BCAM: variants seen among roughly 807,000 people sequenced by gnomAD.
BCAM encodes basal cell adhesion molecule (Lutheran blood group).
BCAM carries 61 observed loss-of-function variants against 72.4 expected under a neutral mutation model. That is an observed-to-expected ratio of 0.84 (90% CI 0.69 to 1.04). The LOEUF (loss-of-function observed/expected upper bound fraction) is 1.04, where lower values mean the gene tolerates loss of function less well. Among genes scored for constraint, BCAM ranks in the 50% least tolerant of loss-of-function variants. The pLI, the probability that BCAM is intolerant of heterozygous loss-of-function variation, is 0.00. For synonymous variants in BCAM, 408 were observed against 384.2 expected (o/e 1.06, Z -0.73); for missense variants, 909 against 895.0 (o/e 1.02, Z -0.20).
At chr19:44,815,958 G>T (rs1386052902) in intron 8 of BCAM, among the ~76,000 whole-genome samples, 1 of 152,096 alleles carries the variant, frequency 6.6e-6, no homozygotes, top group Non-Finnish European at 1.5e-5. Context: ...ACTGCAGTGA[G>T]CCAAGATTGT....
Position 44,818,394 on chromosome 19 carries a change from C to T in BCAM, c.1079-128C>T. ...GAGATTTCATGGAGATGGGGTAAAC[C>T]AGGAGGATTACTTGCTGTTCTCTGC... is the stretch of plus-strand genomic sequence containing the variant. On this transcript the variant is annotated intron_variant, in intron 8 of 14. Coordinates refer to ENST00000270233, the MANE Select transcript of BCAM (RefSeq NM_005581.5). The surrounding 1 kb of genome is among the most constrained non-coding windows in gnomAD (Gnocchi z 4.6). 1 of 691,420 alleles carries T rather than the reference C, an allele frequency of 1.4e-6. No individual in the cohort carries two copies. Among genetic ancestry groups the T allele is most frequent in the Non-Finnish European group, 2.5e-6 (1 of 402,242 alleles). 42.8% of individuals were successfully genotyped at this position (691,420 alleles called of 1,614,324 possible).
rs1968527900 is a variant in BCAM at position 44,818,297 on chromosome 19, A to C, written c.1079-225A>C. 6.6e-6 allele frequency among the ~76,000 whole-genome samples: 1 copy of C among 152,202 alleles called. No individual in the cohort carries two copies. Among genetic ancestry groups the C allele is most frequent in the African/African-American group, 2.4e-5 (1 of 41,456 alleles). On this transcript the variant is annotated intron_variant, in intron 8 of 14. Coordinates refer to ENST00000270233, the MANE Select transcript of BCAM (RefSeq NM_005581.5). The surrounding 1 kb of genome is among the most constrained non-coding windows in gnomAD (Gnocchi z 4.6). ...TCAGATGTCAGCTCTGAAGAAAAGT[A>C]ATTGACTTGGGCATGTCAATGTTGG...
chr19:44,819,829 C>G (rs1968559601), intron 13 of BCAM, 103 bp downstream of exon 13: 3 of 1,434,216 alleles, frequency 2.1e-6, no homozygotes, highest in African/African-American at 2.9e-5. Flanking sequence ...TCCTCCACCC[C>G]ACATCCCACC....
At chr19:44,816,290 A>G (rs1968503063) in intron 8 of BCAM, among the ~76,000 whole-genome samples, 1 of 152,202 alleles carries the variant, frequency 6.6e-6, no homozygotes, top group Non-Finnish European at 1.5e-5. Flanking sequence ...AGCCTGGGCA[A>G]CAGAGTGAGA....
chr19:44,810,781 G>A (rs1046468993), intron 1 of BCAM, among the ~76,000 whole-genome samples: 8 of 152,204 alleles, frequency 5.3e-5, no homozygotes, highest in Non-Finnish European at 1.0e-4. Flanking sequence ...AGTGTTCAGC[G>A]GAGGCCACAG....
chr19:44,812,031 A>G lies in BCAM; in HGVS notation c.205-132A>G. 1.2e-6 allele frequency: 1 copy of G among 848,156 alleles called. No individual in the cohort carries two copies. The highest frequency in any genetic ancestry group is 2.7e-5 in the Admixed American group (1 of 36,382). The allele number at this position is 848,156 out of a possible 1,614,324, so 52.5% of individuals were successfully genotyped here. ...GGGGCAGGAGAAGGTGGGGAGGGAC[A>G]GAGGGACCAGGGAGACCCATAACAA... On this transcript the variant is annotated intron_variant, in intron 2 of 14. Coordinates refer to ENST00000270233, the MANE Select transcript of BCAM (RefSeq NM_005581.5). The surrounding 1 kb of genome is among the most constrained non-coding windows in gnomAD (Gnocchi z 5.3).
chr19:44,814,629 T>C lies in BCAM; in HGVS notation c.947T>C (p.Val316Ala). Residue 316 changes from valine (V) to alanine (A), a missense_variant, in exon 8 of 15, where the codon GTG (valine) becomes GCG (alanine). Physicochemically the swap from Val to Ala is moderately conservative, Grantham distance 64 (BLOSUM62 0). Coordinates refer to ENST00000270233, the MANE Select transcript of BCAM (RefSeq NM_005581.5). This position sits in a 1 kb window ranked among gnomAD's most constrained non-coding sequence, Gnocchi z 4.6. ...LQDEQEEVLN[V>A]NLEGNLTLEG... ...GATGAGCAGGAGGAAGTGCTGAATG[T>C]GAATCTCGAGGGGAACTTGACCCTG... The C allele has an allele frequency of 6.2e-7, 1 of 1,613,806 alleles. No homozygotes were observed. The highest frequency in any genetic ancestry group is 8.5e-7 in the Non-Finnish European group (1 of 1,179,836).
chr19:44,817,397 G>T (rs530620888), intron 8 of BCAM, among the ~76,000 whole-genome samples: 3 of 152,124 alleles, frequency 2.0e-5, no homozygotes, highest in Non-Finnish European at 4.4e-5. Flanking sequence ...GGGGAAGAGT[G>T]GGAGATGGTT....
At chr19:44,810,458 T>C (rs2927477) in intron 1 of BCAM, among the ~76,000 whole-genome samples, 30,255 of 148,356 alleles carry the variant, frequency 0.2, 3,853 homozygotes, top group African/African-American at 0.36. Context: ...CCCCCACACA[T>C]CCATCCCGCC....
intron 8 of BCAM, among the ~76,000 whole-genome samples, chr19:44,817,554 T>G (rs567153629): frequency 5.9e-4 from 89 of 151,540 alleles, no homozygotes; most frequent in African/African-American, 1.9e-3. Context: ...TTTTTGTTTT[T>G]TTTTTTTTGA....
At position 44,814,261 on chromosome 19, in the gene BCAM, C is replaced by T. The variant is rs1267034308; in HGVS notation, c.894C>T (p.Ser298=). The T allele has an allele frequency of 6.3e-7, 1 of 1,596,060 alleles. No individual in the cohort carries two copies. ...TCTGCCGGGGGGACGGCAGCCCCAG[C>T]CCGGAGTATACGCTTTTCCGCCTTC... ...QLLCRGDGSP[S]PEYTLFRLQD... is the part of the protein sequence containing the mutation. The change falls in exon 7 of 15, where the codon AGC becomes AGT. Residue 298 remains serine, a synonymous_variant. Coordinates refer to ENST00000270233, the MANE Select transcript of BCAM (RefSeq NM_005581.5). This position sits in a 1 kb window ranked among gnomAD's most constrained non-coding sequence, Gnocchi z 4.6.
At position 44,818,378 on chromosome 19, in the gene BCAM, TG is replaced by T; in HGVS notation, c.1079-142del. 1.5e-6 allele frequency: 1 copy of T among 645,190 alleles called. No individual in the cohort carries two copies. Among genetic ancestry groups the T allele is most frequent in the South Asian group, 2.0e-5 (1 of 50,062 alleles). 40.0% of individuals were successfully genotyped at this position (645,190 alleles called of 1,614,324 possible). On this transcript the variant is annotated intron_variant, in intron 8 of 14. Coordinates refer to ENST00000270233, the MANE Select transcript of BCAM (RefSeq NM_005581.5). This position sits in a 1 kb window ranked among gnomAD's most constrained non-coding sequence, Gnocchi z 4.6. ...CCTGGATGGGAGAATGGAGATTTCATGGAGATGGGGTAAACCAGGAGGATTA... is the reference window on the plus strand; with the variant it reads ...CCTGGATGGGAGAATGGAGATTTCATGAGATGGGGTAAACCAGGAGGATTA...
chr19:44,815,037 C>G (rs1968486424), intron 8 of BCAM, among the ~76,000 whole-genome samples: 1 of 151,596 alleles, frequency 6.6e-6, no homozygotes, highest in African/African-American at 2.4e-5. Context: ...GCCACCGCAT[C>G]TTGTCGAGAG....
Position 44,814,232 on chromosome 19 carries a change from C to T in BCAM, c.865C>T (p.Leu289=). 6.3e-7 allele frequency: 1 copy of T among 1,589,348 alleles called. No homozygotes were observed. Among genetic ancestry groups the T allele is most frequent in the Non-Finnish European group, 8.5e-7 (1 of 1,173,748 alleles). ...GGTACGCGAGGGTGACACTGTCCAG[C>T]TGCTCTGCCGGGGGGACGGCAGCCC... The part of the protein sequence containing the change: ...GWVREGDTVQ[L]LCRGDGSPSP... The change falls in exon 7 of 15, where the codon CTG becomes TTG. Residue 289 remains leucine (L), a synonymous_variant. Coordinates refer to ENST00000270233, the MANE Select transcript of BCAM (RefSeq NM_005581.5). The surrounding 1 kb of genome is among the most constrained non-coding windows in gnomAD (Gnocchi z 4.6).
Position 44,819,819 on chromosome 19 carries a change from T to C in BCAM, c.1763+93T>C, listed in dbSNP as rs929462079. On this transcript the variant is annotated intron_variant, in intron 13 of 14. Coordinates refer to ENST00000270233, the MANE Select transcript of BCAM (RefSeq NM_005581.5). ...AACCCATAACCTCAACCACATCTTATCCTCCACCCCACATCCCACCACATC... is the reference window on the plus strand; with the variant it reads ...AACCCATAACCTCAACCACATCTTACCCTCCACCCCACATCCCACCACATC... 4.9e-6 allele frequency: 7 copies of C among 1,442,992 alleles called. No homozygotes were observed. In the Admixed American group the frequency reaches 1.4e-4, roughly 28 times the overall value. The allele number at this position is 1,442,992 out of a possible 1,614,324, so 89.4% of individuals were successfully genotyped here.
intron 2 of BCAM, chr19:44,811,861 G>A: frequency 2.2e-6 from 1 of 461,244 alleles, no homozygotes. Context: ...CTCCAGCCAG[G>A]CGACAGAGCA....
In BCAM at chr19:44,813,328, C is replaced by T. The variant is rs1490254812; in HGVS notation, c.583C>T (p.Pro195Ser). ...TCGCAACGGGCAGCGCCTGGAGGTG[C>T]CCGTAGAGATGAACCCAGGTGAGCA... ...WYRNGQRLEV[P>S]VEMNPEGYMT... is the part of the protein sequence containing the mutation. Residue 195 changes from proline (P) to serine (S), a missense_variant, in exon 5 of 15, where the codon CCC (proline) becomes TCC (serine). By Grantham distance (74) the Pro-to-Ser change is moderately conservative. Transcript: ENST00000270233. This position sits in a 1 kb window ranked among gnomAD's most constrained non-coding sequence, Gnocchi z 4.2. The T allele has an allele frequency of 6.2e-7, 1 of 1,613,964 alleles. No individual in the cohort carries two copies. Among genetic ancestry groups the T allele is most frequent in the South Asian group, 1.1e-5 (1 of 91,084 alleles).
At position 44,813,822 on chromosome 19, in the gene BCAM, A is replaced by G. The variant is rs1454221615; in HGVS notation, c.784+202A>G. Among the ~76,000 whole-genome samples the G allele has an allele frequency of 6.6e-6, 1 of 151,904 alleles. No individual in the cohort carries two copies. The highest frequency in any genetic ancestry group is 6.6e-5 in the Admixed American group (1 of 15,242). Reference sequence around the variant, plus strand: ...TCCTGACCTCTGACCTCCGACCTCCACTTAGCACCCTGGACCCCATGAAGT... The same window carrying G: ...TCCTGACCTCTGACCTCCGACCTCCGCTTAGCACCCTGGACCCCATGAAGT... On this transcript the variant is annotated intron_variant, in intron 6 of 14. Coordinates refer to ENST00000270233, the MANE Select transcript of BCAM (RefSeq NM_005581.5). The surrounding 1 kb of genome is among the most constrained non-coding windows in gnomAD (Gnocchi z 4.2).
At position 44,813,563 on chromosome 19, in the gene BCAM, C is replaced by A. The variant is rs111803048; in HGVS notation, c.727C>A (p.Leu243Met). ...ASFHCAAHYS[L>M]PEGRHGRLDS... ...CTTCCACTGCGCCGCCCACTACAGC[C>A]TGCCCGAGGGCCGCCACGGCCGCCT... is the stretch of plus-strand genomic sequence containing the variant. Residue 243 changes from leucine (L) to methionine (M), a missense_variant, in exon 6 of 15, where the codon CTG (leucine) becomes ATG (methionine). Physicochemically the swap from Leu to Met is conservative, Grantham distance 15. Coordinates refer to ENST00000270233, the MANE Select transcript of BCAM (RefSeq NM_005581.5). This position sits in a 1 kb window ranked among gnomAD's most constrained non-coding sequence, Gnocchi z 4.2. 302 of 1,612,748 alleles carry A rather than the reference C, an allele frequency of 1.9e-4. 1 individual carries two copies. In the African/African-American group the frequency reaches 3.5e-3, roughly 19 times the overall value.
Sources: gnomAD v4.1 joint callset for allele counts (sites outside exome capture counted in the v4.1 genomes callset) on GRCh38, gnomAD v4.1.1 for gene constraint, Gnocchi (gnomAD v3.1) non-coding constraint, MANE v1.5 for transcripts, NCBI Gene and HGNC (gene_info 2026-07-23, HGNC 2026-07-21) for gene names.